MTR: variants seen among roughly 807,000 people sequenced by gnomAD.
The protein encoded by MTR is methionine synthase.
MTR carries 84 observed loss-of-function variants against 154.8 expected under a neutral mutation model. That is an observed-to-expected ratio of 0.54 (90% CI 0.45 to 0.65). The LOEUF is 0.65. Among genes scored for constraint, MTR ranks in the 30% least tolerant of loss-of-function variants. The pLI is 0.00. For synonymous variants in MTR, 554 were observed against 553.9 expected, an observed-to-expected ratio of 1.00 and a Z score of 0.00; for missense variants, 1,275 against 1,570.2, an observed-to-expected ratio of 0.81 and a Z score of 3.18.
intron 1 of MTR, among the ~76,000 whole-genome samples, chr1:236,801,449 A>AT (rs961536913): frequency 1.3e-5 from 2 of 152,206 alleles, no homozygotes; most frequent in African/African-American, 4.8e-5. Context: ...TGTGACCACC[A>AT]TTTAGCCCCA....
Position 236,795,667 on chromosome 1 carries a change from C to G in MTR, c.-37C>G. 1.2e-6 allele frequency: 2 copies of G among 1,613,584 alleles called. No homozygotes were observed. The highest frequency in any genetic ancestry group is 1.7e-4 in the Middle Eastern group (1 of 6,060). ...GTCACCTGTGGAGAGCACGTCTTCT[C>G]TGCCGCGCCCTCTGCGCAAGGAGGA... On this transcript the variant is annotated 5_prime_UTR_variant, in exon 1 of 33. Coordinates refer to ENST00000366577, the MANE Select transcript of MTR (RefSeq NM_000254.3).
chr1:236,808,900 A>G (rs540220843), intron 4 of MTR, 127 bp downstream of exon 4: 59 of 808,014 alleles, frequency 7.3e-5, no homozygotes, highest in Admixed American at 2.4e-4. Context: ...CAGAGACTGT[A>G]TTTTACATGT....
At chr1:236,838,214 T>C (rs990786901) in intron 14 of MTR, among the ~76,000 whole-genome samples, 200 bp from the exon 15 acceptor site, 4 of 152,266 alleles carry the variant, frequency 2.6e-5, no homozygotes, top group Non-Finnish European at 4.4e-5. Context: ...GGCCCATGCA[T>C]GGAGTATCTT....
intron 8 of MTR, among the ~76,000 whole-genome samples, chr1:236,822,486 T>G (rs1662024919): frequency 6.6e-5 from 10 of 152,080 alleles, no homozygotes; most frequent in Admixed American, 6.6e-4. Flanking sequence ...ATTTTTTTAT[T>G]TTTTGCAGAG....
At chr1:236,852,423 G>GTTTTTTTTTTTTTTTTTTTTT in intron 16 of MTR, 98 bp from the exon 17 acceptor site, 1 of 875,648 alleles carries the variant, frequency 1.1e-6, no homozygotes. Context: ...GATGCTTTTT[G>GTTTTTTTTTTTTTTTTTTTTT]TTTTTTTTTC....
chr1:236,861,091 C>CTTTTTTTTTTTT, intron 19 of MTR, 34 bp from the exon 20 acceptor site: 4 of 1,415,832 alleles, frequency 2.8e-6, no homozygotes, highest in East Asian at 5.0e-5. Flanking sequence ...TTCTTTCTTT[C>CTTTTTTTTTTTT]TTTTTCTTTT....
chr1:236,863,610 T>G, intron 22 of MTR, 56 bp downstream of exon 22: 1 of 1,457,862 alleles, frequency 6.9e-7, no homozygotes. Flanking sequence ...TGAAAGCCTT[T>G]TAACAGAATA....
At chr1:236,803,756 A>G (rs1660822172) in intron 2 of MTR, 114 bp downstream of exon 2, 7 of 1,033,180 alleles carry the variant, frequency 6.8e-6, no homozygotes, top group African/African-American at 1.6e-5. Flanking sequence ...TAAAGAGGCA[A>G]TTTATTCAGA....
In MTR at chr1:236,901,010, G is replaced by A. The variant is rs1452819912; in HGVS notation, c.*3366G>A. ...ACTTGAACGTGGAGATGGAGGTCAG[G>A]CTGCAGTGCGATGGGATCATCTATG... On this transcript the variant is annotated 3_prime_UTR_variant, in exon 33 of 33. Transcript: ENST00000366577. 1 of 153,010 alleles carries A rather than the reference G, an allele frequency of 6.5e-6. No individual in the cohort carries two copies. The highest frequency in any genetic ancestry group is 6.5e-5 in the Admixed American group (1 of 15,282). 9.5% of individuals were successfully genotyped at this position (153,010 alleles called of 1,614,324 possible).
chr1:236,809,689 T>C (rs1661192506), intron 4 of MTR, among the ~76,000 whole-genome samples: 1 of 152,200 alleles, frequency 6.6e-6, no homozygotes, highest in African/African-American at 2.4e-5. Flanking sequence ...TATTTGGGCC[T>C]GTAACCTGTT....
At position 236,803,444 on chromosome 1, in the gene MTR, C is replaced by G. The variant is rs534437962; in HGVS notation, c.51C>G (p.Thr17=). Residue 17 remains threonine, a synonymous_variant, in exon 2 of 33, where the codon ACC becomes ACG. Coordinates refer to ENST00000366577, the MANE Select transcript of MTR (RefSeq NM_000254.3). ...DLSQPEGLKK[T]LRDEINAILQ... The stretch of plus-strand genomic sequence containing the variant: ...TCTTTAAAGAAGGTCTGAAGAAAAC[C>G]CTGCGGGATGAGATCAATGCCATTC... 1 of 1,613,998 alleles carries G rather than the reference C, an allele frequency of 6.2e-7. No individual in the cohort carries two copies. Among genetic ancestry groups the G allele is most frequent in the African/African-American group, 1.3e-5 (1 of 74,988 alleles).
chr1:236,822,094 A>G (rs1661991014), intron 8 of MTR, among the ~76,000 whole-genome samples: 1 of 152,200 alleles, frequency 6.6e-6, no homozygotes, highest in South Asian at 2.1e-4. Flanking sequence ...TCACAAAGTA[A>G]CTGCTGGGAT....
chr1:236,831,956 T>C lies in MTR; in HGVS notation c.1076-10T>C, dbSNP rs1662636954. On this transcript the variant is annotated splice_polypyrimidine_tract_variant and intron_variant, in intron 12 of 32. Transcript: ENST00000366577. Reference sequence around the variant, plus strand: ...TTGCAGAAATTTTTCAAAATGCTTCTCCTTTTAAGGTCTAGAGCCCTTCAG... The same window carrying C: ...TTGCAGAAATTTTTCAAAATGCTTCCCCTTTTAAGGTCTAGAGCCCTTCAG... 6.2e-7 allele frequency: 1 copy of C among 1,610,196 alleles called. No individual in the cohort carries two copies.
intron 1 of MTR, among the ~76,000 whole-genome samples, chr1:236,797,030 AT>A (rs1420598472): frequency 2.6e-5 from 4 of 151,466 alleles, no homozygotes; most frequent in African/African-American, 4.9e-5. Context: ...AAAAAAAAAA[AT>A]AAACTGAAAG....
intron 22 of MTR, among the ~76,000 whole-genome samples, chr1:236,867,155 A>C (rs1366712134): frequency 6.6e-6 from 1 of 152,198 alleles, no homozygotes; most frequent in Non-Finnish European, 1.5e-5. Context: ...GGAGAAGTGA[A>C]TGCCTGGCTT....
chr1:236,874,536 A>G (rs1665320522), intron 23 of MTR, among the ~76,000 whole-genome samples, 190 bp from the exon 24 acceptor site: 1 of 151,172 alleles, frequency 6.6e-6, no homozygotes, highest in African/African-American at 2.4e-5. Context: ...GCGCCACTGC[A>G]CTCCAACCTG....
chr1:236,897,873 AG>A lies in MTR; in HGVS notation c.*232del. The A allele has an allele frequency of 1.8e-6, 1 of 558,368 alleles. No individual in the cohort carries two copies. Among genetic ancestry groups the A allele is most frequent in the Non-Finnish European group, 3.2e-6 (1 of 315,204 alleles). 34.6% of individuals were successfully genotyped at this position (558,368 alleles called of 1,614,324 possible). On this transcript the variant is annotated 3_prime_UTR_variant, in exon 33 of 33. Transcript: ENST00000366577. ...GGACCTTGCGTGAAGAGCAGTGAGC[AG>A]GGTTCCTGTGGTTTCCCTGGTCCCT... is the stretch of plus-strand genomic sequence containing the variant.
chr1:236,803,648 G>C lies in MTR; in HGVS notation c.249+6G>C. The C allele has an allele frequency of 6.2e-7, 1 of 1,611,272 alleles. No individual in the cohort carries two copies. Among genetic ancestry groups the C allele is most frequent in the Non-Finnish European group, 8.5e-7 (1 of 1,177,678 alleles). The stretch of plus-strand genomic sequence containing the variant: ...TCATTTACCAAATCCATAAGGTAAA[G>C]TATTCCCAGGTTCCCATGTGTATTC... On this transcript the variant is annotated splice_donor_region_variant and intron_variant, in intron 2 of 32. Transcript: ENST00000366577.
intron 15 of MTR, among the ~76,000 whole-genome samples, chr1:236,842,235 A>G (rs546532537): frequency 7.9e-5 from 12 of 152,058 alleles, no homozygotes; most frequent in South Asian, 2.1e-4. Flanking sequence ...TTGTTTTTCT[A>G]TTCTCTGGAG....
Sources: gnomAD v4.1 joint callset for allele counts (sites outside exome capture counted in the v4.1 genomes callset) on GRCh38, gnomAD v4.1.1 for gene constraint, MANE v1.5 for transcripts, NCBI Gene and HGNC (gene_info 2026-07-23, HGNC 2026-07-21) for gene names.